The following AGBL3 variants were observed in gnomAD, a reference collection of about 807,000 sequenced individuals.
The protein encoded by AGBL3 is cytosolic carboxypeptidase 3.
A neutral mutation model predicts 94.5 loss-of-function variants in AGBL3; 68 were observed. That is an observed-to-expected ratio of 0.72 (90% CI 0.59 to 0.88). AGBL3 has a LOEUF of 0.88. Ranked by LOEUF, AGBL3 falls within the 40% of genes least tolerant of loss-of-function variation. The pLI, the probability that AGBL3 is intolerant of heterozygous loss-of-function variation, is 0.00. For synonymous variants in AGBL3, 354 were observed against 370.7 expected (o/e 0.95, Z 0.52); for missense variants, 934 against 1,103.8 (o/e 0.85, Z 2.18).
chr7:135,105,601 T>C (rs1010351114), intron 15 of AGBL3, among the ~76,000 whole-genome samples: 10 of 152,240 alleles, frequency 6.6e-5, no homozygotes, highest in Non-Finnish European at 1.3e-4. Context: ...GTGTCTGTTT[T>C]TGTACAGTAC....
chr7:135,106,847 AT>A (rs1174799753), intron 15 of AGBL3, among the ~76,000 whole-genome samples: 3 of 151,866 alleles, frequency 2.0e-5, no homozygotes, highest in African/African-American at 7.3e-5. Context: ...TTGTCCTGGG[AT>A]TTTTTTGGAT....
Position 135,032,959 on chromosome 7 carries a change from TA to T in AGBL3, c.536del (p.Asn179IlefsTer5). ...LMFEARFESG[N>X]LQKVVKVAEY... is the part of the protein sequence containing the mutation. ...TGTTTGAAGCAAGGTTTGAGAGTGG[TA>T]ATCTACAGAAGGTAGTCAAAGTGTA... On this transcript the variant is annotated frameshift_variant, in exon 6 of 17. Transcript: ENST00000436302. LOFTEE classifies it high-confidence loss of function. The T allele has an allele frequency of 6.4e-7, 1 of 1,551,196 alleles. No homozygotes were observed.
chr7:135,074,552 G>C (rs10249872), intron 12 of AGBL3, among the ~76,000 whole-genome samples: 144,939 of 152,276 alleles, frequency 0.95, 69,331 homozygotes, highest in Non-Finnish European at 1. Flanking sequence ...CATATTCTCT[G>C]CTGTGCCATC....
chr7:135,073,212 A>G (rs1820111891), intron 12 of AGBL3, among the ~76,000 whole-genome samples: 1 of 152,158 alleles, frequency 6.6e-6, no homozygotes, highest in Non-Finnish European at 1.5e-5. Flanking sequence ...TCATGCCTGT[A>G]ATCCCAGCAC....
At chr7:135,107,028 T>C (rs1422088020) in intron 15 of AGBL3, among the ~76,000 whole-genome samples, 3 of 152,210 alleles carry the variant, frequency 2.0e-5, no homozygotes, top group Non-Finnish European at 2.9e-5. Context: ...TCTCTGATTA[T>C]TGTTTTACTG....
In AGBL3 at chr7:135,059,254, G is replaced by T. The variant is rs956925960; in HGVS notation, c.1908+19G>T. On this transcript the variant is annotated intron_variant, in intron 12 of 16. Coordinates refer to ENST00000436302, the MANE Select transcript of AGBL3 (RefSeq NM_178563.4). ...TTCTCAGGTATGACTGAACATTTTT[G>T]CTTATATGTGGATATGCTGTGTAGG... 8 of 1,539,856 alleles carry T rather than the reference G, an allele frequency of 5.2e-6. No individual in the cohort carries two copies. The highest frequency in any genetic ancestry group is 7.0e-6 in the Non-Finnish European group (8 of 1,137,604).
intron 14 of AGBL3, among the ~76,000 whole-genome samples, chr7:135,080,742 C>G (rs1185814227): frequency 2.4e-5 from 2 of 83,304 alleles, no homozygotes; most frequent in East Asian, 8.3e-4. Flanking sequence ...TCTAGCATCT[C>G]TGTTTTTTTT....
chr7:135,044,393 T>C (rs536111202), intron 9 of AGBL3, among the ~76,000 whole-genome samples: 5 of 152,168 alleles, frequency 3.3e-5, no homozygotes, highest in African/African-American at 9.6e-5. Context: ...GGTTGTTTCA[T>C]ATGGTAATCT....
chr7:135,015,858 CAAAAAAAAGAAA>C (rs1335020240), intron 4 of AGBL3, among the ~76,000 whole-genome samples: 4 of 77,134 alleles, frequency 5.2e-5, no homozygotes, highest in Non-Finnish European at 9.8e-5. Context: ...ACTAAAAATA[CAAAAAAAAGAAA>C]AAAAAAAAAA....
At chr7:135,023,066 A>C (rs562703020) in intron 5 of AGBL3, among the ~76,000 whole-genome samples, 3 of 152,222 alleles carry the variant, frequency 2.0e-5, no homozygotes, top group Non-Finnish European at 4.4e-5. Flanking sequence ...ATCTTCAAAT[A>C]ATGTTATACC....
chr7:134,986,903 T>C (rs1809523277), intron 1 of AGBL3, among the ~76,000 whole-genome samples: 12 of 152,226 alleles, frequency 7.9e-5, no homozygotes, highest in Admixed American at 7.8e-4. Context: ...CATCTGCCCC[T>C]CCTCCGCAGT....
At chr7:135,036,355 G>C (rs1816304141) in intron 7 of AGBL3, among the ~76,000 whole-genome samples, 1 of 38,554 alleles carries the variant, frequency 2.6e-5, no homozygotes, top group Admixed American at 4.3e-4. Context: ...TGCTCTTCAG[G>C]AATGTGTAAT....
chr7:135,129,298 AC>A (rs1828394894), intron 16 of AGBL3: 2 of 1,483,978 alleles, frequency 1.3e-6, no homozygotes, highest in African/African-American at 1.4e-5. Flanking sequence ...AGGTTGACCT[AC>A]CATGGGGTCT....
At chr7:135,043,903 C>A in intron 8 of AGBL3, 122 bp from the exon 9 acceptor site, 2 of 1,234,702 alleles carry the variant, frequency 1.6e-6, no homozygotes, top group Non-Finnish European at 2.1e-6. Flanking sequence ...TAAAAAGTAG[C>A]TCCTGAAGCT....
At chr7:134,988,633 A>ATT (rs906931665) in intron 2 of AGBL3, among the ~76,000 whole-genome samples, 1 of 146,374 alleles carries the variant, frequency 6.8e-6, no homozygotes, top group Non-Finnish European at 1.5e-5. Context: ...TGTTAATTTA[A>ATT]TTTTTTTTTT....
intron 15 of AGBL3, among the ~76,000 whole-genome samples, chr7:135,091,132 G>C (rs1821795093): frequency 6.6e-6 from 1 of 152,134 alleles, no homozygotes; most frequent in African/African-American, 2.4e-5. Context: ...AGTTCCTCCT[G>C]ATTCCCAGCT....
chr7:135,015,625 A>C (rs1813683905), intron 4 of AGBL3, among the ~76,000 whole-genome samples: 1 of 146,492 alleles, frequency 6.8e-6, no homozygotes. Flanking sequence ...ATGGTTCTTT[A>C]CTAGTTATTA....
At chr7:135,076,540 T>C (rs1820470339) in intron 13 of AGBL3, 72 bp downstream of exon 13, 1 of 1,159,454 alleles carries the variant, frequency 8.6e-7, no homozygotes, top group Admixed American at 2.4e-5. Flanking sequence ...TATTTTCTCT[T>C]ATACTTCTTA....
chr7:135,015,767 C>T (rs1813703990), intron 4 of AGBL3, among the ~76,000 whole-genome samples: 1 of 151,234 alleles, frequency 6.6e-6, no homozygotes, highest in South Asian at 2.1e-4. Flanking sequence ...GTAATCCCAG[C>T]ACTTTGGGAG....
Sources: allele counts gnomAD v4.1 joint callset (sites outside exome capture counted in the v4.1 genomes callset), GRCh38; gene constraint gnomAD v4.1.1; transcripts MANE v1.5; gene names NCBI Gene and HGNC (gene_info 2026-07-23, HGNC 2026-07-21).